Variants in TMEM127 observed in about 807,000 individuals in gnomAD.
The protein encoded by TMEM127 is transmembrane protein 127.
A neutral mutation model predicts 20.1 loss-of-function variants in TMEM127; 21 were observed. The ratio of observed to expected loss-of-function variants is 1.04; its 90% confidence interval spans 0.74 to 1.50. The LOEUF (loss-of-function observed/expected upper bound fraction) is 1.50. Among genes scored for constraint, TMEM127 ranks in the 40% most tolerant of loss-of-function variants. The probability of loss-of-function intolerance (pLI) is 0.00; values close to 1 mark genes in which losing one functional copy is unlikely to be tolerated. For synonymous variants in TMEM127, 150 were observed against 144.7 expected, an observed-to-expected ratio of 1.04 and a Z score of -0.26; for missense variants, 303 against 317.4, an observed-to-expected ratio of 0.95 and a Z score of 0.34.
At chr2:96,254,721 G>T in intron 3 of TMEM127, 112 bp downstream of exon 3, 1 of 1,365,318 alleles carries the variant, frequency 7.3e-7, no homozygotes, top group Non-Finnish European at 1.0e-6. Context: ...TGGCACATGA[G>T]CTCCTGGAAG....
intron 2 of TMEM127, chr2:96,260,740 C>A (rs777881073): frequency 2.0e-5 from 3 of 152,426 alleles, no homozygotes; most frequent in Admixed American, 2.0e-4. Context: ...TCTGTCCCAC[C>A]CCGCCTCCCT....
chr2:96,263,360 CTTTTT>C (rs1157265984), intron 2 of TMEM127, among the ~76,000 whole-genome samples: 20 of 109,398 alleles, frequency 1.8e-4, no homozygotes, highest in African/African-American at 6.1e-4. Context: ...CCTGGCCTTT[CTTTTT>C]TTTTTTTTTT....
Position 96,265,350 on chromosome 2 carries a change from C to G in TMEM127, c.32G>C (p.Gly11Ala), listed in dbSNP as rs773493345. The change falls in exon 2 of 4, where the codon GGC becomes GCC. Residue 11 changes from glycine to alanine, a missense_variant. Gly to Ala is a moderately conservative substitution (Grantham distance 60). Coordinates refer to ENST00000258439, the MANE Select transcript of TMEM127 (RefSeq NM_017849.4). ...TCCCGGGCTCCTCCGCCGGCGCCCG[C>G]CGGGCAGCCCTGCGCCTCCGGGGGC... Reference protein sequence around the residue: MYAPGGAGLPGGRRRRSPGGS... With the variant: MYAPGGAGLPAGRRRRSPGGS... 6.7e-7 allele frequency: 1 copy of G among 1,500,212 alleles called. No homozygotes were observed. The allele number at this position is 1,500,212 out of a possible 1,614,324, so 92.9% of individuals were successfully genotyped here.
intron 2 of TMEM127, among the ~76,000 whole-genome samples, chr2:96,263,985 C>T (rs1684363035): frequency 6.6e-6 from 1 of 152,150 alleles, no homozygotes; most frequent in Non-Finnish European, 1.5e-5. Flanking sequence ...TTTAATGAGC[C>T]AACCCAGCAA....
At chr2:96,263,390 T>G (rs1378965040) in intron 2 of TMEM127, among the ~76,000 whole-genome samples, 3 of 146,682 alleles carry the variant, frequency 2.0e-5, no homozygotes, top group Non-Finnish European at 4.5e-5. Flanking sequence ...GAGATGGAGT[T>G]TCGCTCTTGT....
rs886056442 is a variant in TMEM127, at chr2:96,252,611, A to G, written c.*1197T>C. On this transcript the variant is annotated 3_prime_UTR_variant, in exon 4 of 4. Coordinates refer to ENST00000258439, the MANE Select transcript of TMEM127 (RefSeq NM_017849.4). The surrounding 1 kb of genome is among the most constrained non-coding windows in gnomAD (Gnocchi z 4.2). ...GAGTCTAGGGCAGCACTGGGTCTGA[A>G]GGACACAGCCCGGCCTGCTGGGCTG... is the stretch of plus-strand genomic sequence containing the variant. The G allele has an allele frequency of 4.3e-6, 1 of 233,844 alleles. No homozygotes were observed. The highest frequency in any genetic ancestry group is 1.8e-4 in the South Asian group (1 of 5,532). 14.5% of individuals were successfully genotyped at this position (233,844 alleles called of 1,614,324 possible).
rs1481536776 is a variant in TMEM127 at position 96,249,597 on chromosome 2, C to CT, written c.*4210_*4211insA. 2 of 231,422 alleles carry CT rather than the reference C, an allele frequency of 8.6e-6. No homozygotes were observed. The highest frequency in any genetic ancestry group is 4.4e-5 in the African/African-American group (2 of 45,178). 14.3% of individuals were successfully genotyped at this position (231,422 alleles called of 1,614,324 possible). ...ACATGGTGAGACTGTCTCTACCCAC[C>CT]CCCACAAAAAAAACATTTTCTCTTC... is the stretch of plus-strand genomic sequence containing the variant. On this transcript the variant is annotated 3_prime_UTR_variant, in exon 4 of 4. Transcript: ENST00000258439.
In TMEM127 at chr2:96,253,235, G is replaced by A. The variant is rs1270466670; in HGVS notation, c.*573C>T. The A allele has an allele frequency of 1.3e-5, 3 of 234,630 alleles. No individual in the cohort carries two copies. The highest frequency in any genetic ancestry group is 2.5e-5 in the Non-Finnish European group (3 of 118,842). 14.5% of individuals were successfully genotyped at this position (234,630 alleles called of 1,614,324 possible). On this transcript the variant is annotated 3_prime_UTR_variant, in exon 4 of 4. Transcript: ENST00000258439. This position sits in a 1 kb window ranked among gnomAD's most constrained non-coding sequence, Gnocchi z 4.3. ...GCAACTGCTCTGCCTTCCCAACAGC[G>A]ATTCCCTCTCCCCATAAAACCAGGG...
chr2:96,248,592 A>G lies in TMEM127; in HGVS notation c.*5216T>C, dbSNP rs1034481804. 7 of 218,914 alleles carry G rather than the reference A, an allele frequency of 3.2e-5. No individual in the cohort carries two copies. The highest frequency in any genetic ancestry group is 1.6e-4 in the African/African-American group (7 of 44,500). The allele number at this position is 218,914 out of a possible 1,614,324, so 13.6% of individuals were successfully genotyped here. On this transcript the variant is annotated 3_prime_UTR_variant, in exon 4 of 4. Coordinates refer to ENST00000258439, the MANE Select transcript of TMEM127 (RefSeq NM_017849.4). ...TATTCCAGAAGGAAACTCTCCACCA[A>G]TAGTGGTGGCACTAGACATATACTG...
intron 2 of TMEM127, among the ~76,000 whole-genome samples, chr2:96,264,871 T>C (rs771241769): frequency 6.6e-6 from 1 of 152,218 alleles, no homozygotes; most frequent in African/African-American, 2.4e-5. Flanking sequence ...TTATCTTTTC[T>C]CGATACACAG....
In TMEM127 at chr2:96,250,240, G is replaced by C. The variant is rs886056427; in HGVS notation, c.*3568C>G. ...AGCACCCCTCACCTTTCTAACCTCG[G>C]CTCTTACCACCTCCTGGCCACCAGT... On this transcript the variant is annotated 3_prime_UTR_variant, in exon 4 of 4. Transcript: ENST00000258439. The C allele has an allele frequency of 8.6e-6, 2 of 232,924 alleles. No homozygotes were observed. The highest frequency in any genetic ancestry group is 1.7e-5 in the Non-Finnish European group (2 of 117,976). 14.4% of individuals were successfully genotyped at this position (232,924 alleles called of 1,614,324 possible).
chr2:96,252,722 C>G lies in TMEM127; in HGVS notation c.*1086G>C, dbSNP rs1230197256. The stretch of plus-strand genomic sequence containing the variant: ...GTGGTGGGTTCCTGCCCTGTTGTGG[C>G]CCCTGTTCCTAAACTGAGGCCAGGT... On this transcript the variant is annotated 3_prime_UTR_variant, in exon 4 of 4. Coordinates refer to ENST00000258439, the MANE Select transcript of TMEM127 (RefSeq NM_017849.4). The surrounding 1 kb of genome is among the most constrained non-coding windows in gnomAD (Gnocchi z 4.2). The G allele has an allele frequency of 4.3e-6, 1 of 233,756 alleles. No individual in the cohort carries two copies. Among genetic ancestry groups the G allele is most frequent in the African/African-American group, 2.2e-5 (1 of 45,344 alleles). 14.5% of individuals were successfully genotyped at this position (233,756 alleles called of 1,614,324 possible). A position where few individuals can be genotyped will look rare whatever the true frequency, so the allele number is the denominator to read the frequency against.
intron 2 of TMEM127, among the ~76,000 whole-genome samples, chr2:96,257,949 CCTT>C (rs1684243887): frequency 6.6e-6 from 1 of 152,140 alleles, no homozygotes; most frequent in South Asian, 2.1e-4. Context: ...AACTTCCTCT[CCTT>C]CTTCTGTTAC....
chr2:96,253,710 T>C lies in TMEM127; in HGVS notation c.*98A>G. On this transcript the variant is annotated 3_prime_UTR_variant, in exon 4 of 4. Transcript: ENST00000258439. The surrounding 1 kb of genome is among the most constrained non-coding windows in gnomAD (Gnocchi z 4.3). ...GGTTTGGAGAAGATGGTCAGGATCC[T>C]ACCAGTGAGGCCTGCTGGGGAAAGG... 7.4e-7 allele frequency: 1 copy of C among 1,356,750 alleles called. No individual in the cohort carries two copies. Among genetic ancestry groups the C allele is most frequent in the Non-Finnish European group, 1.0e-6 (1 of 994,266 alleles). 84.0% of individuals were successfully genotyped at this position (1,356,750 alleles called of 1,614,324 possible).
Position 96,250,215 on chromosome 2 carries a change from A to T in TMEM127, c.*3593T>A. On this transcript the variant is annotated 3_prime_UTR_variant, in exon 4 of 4. Transcript: ENST00000258439. ...CCTTCTGCTGTTAGTGCCTTAAATG[A>T]GCACCCCTCACCTTTCTAACCTCGG... 4.3e-6 allele frequency: 1 copy of T among 233,280 alleles called. No individual in the cohort carries two copies. The allele number at this position is 233,280 out of a possible 1,614,324, so 14.5% of individuals were successfully genotyped here.
intron 2 of TMEM127, among the ~76,000 whole-genome samples, chr2:96,259,428 G>A (rs1046960300): frequency 7.9e-5 from 12 of 152,364 alleles, no homozygotes; most frequent in South Asian, 4.1e-4. Context: ...AAAGAGTTGT[G>A]CGTGAATGAG....
rs550853017 is a variant in TMEM127 at position 96,253,018 on chromosome 2, A to G, written c.*790T>C. Reference sequence around the variant, plus strand: ...CAACAGTCTTGTCCCTATTTTAAAAACAGAATATTGTTGCTGTTGCCTGGT... The same window carrying G: ...CAACAGTCTTGTCCCTATTTTAAAAGCAGAATATTGTTGCTGTTGCCTGGT... On this transcript the variant is annotated 3_prime_UTR_variant, in exon 4 of 4. Coordinates refer to ENST00000258439, the MANE Select transcript of TMEM127 (RefSeq NM_017849.4). This position sits in a 1 kb window ranked among gnomAD's most constrained non-coding sequence, Gnocchi z 4.3. 2 of 233,314 alleles carry G rather than the reference A, an allele frequency of 8.6e-6. No homozygotes were observed. The highest frequency in any genetic ancestry group is 5.6e-5 in the Admixed American group (1 of 17,802). 14.5% of individuals were successfully genotyped at this position (233,314 alleles called of 1,614,324 possible).
intron 2 of TMEM127, among the ~76,000 whole-genome samples, chr2:96,263,360 CTT>C (rs1157265984): frequency 1.3e-4 from 14 of 109,408 alleles, no homozygotes; most frequent in Non-Finnish European, 1.4e-4. Flanking sequence ...CCTGGCCTTT[CTT>C]TTTTTTTTTT....
At chr2:96,257,370 G>A (rs946689599) in intron 2 of TMEM127, among the ~76,000 whole-genome samples, 7 of 152,106 alleles carry the variant, frequency 4.6e-5, no homozygotes, top group African/African-American at 1.7e-4. Flanking sequence ...GCTGAGGCAG[G>A]AGAATCGCTT....
Sources: gnomAD v4.1 joint callset for allele counts (sites outside exome capture counted in the v4.1 genomes callset) on GRCh38, gnomAD v4.1.1 for gene constraint, Gnocchi (gnomAD v3.1) non-coding constraint, MANE v1.5 for transcripts, NCBI Gene and HGNC (gene_info 2026-07-23, HGNC 2026-07-21) for gene names.